Variants in RASGEF1C observed in about 807,000 individuals in gnomAD.
RASGEF1C encodes RasGEF domain family member 1C, also known as ras-GEF domain-containing family member 1C.
In RASGEF1C, 27 loss-of-function variants were observed where a neutral mutation model predicts 58.1. The observed-to-expected ratio is 0.46, with a 90% confidence interval of 0.34 to 0.64. The LOEUF (loss-of-function observed/expected upper bound fraction) is 0.64. Ranked by LOEUF, RASGEF1C falls within the 30% of genes least tolerant of loss-of-function variation. The probability of loss-of-function intolerance (pLI) is 0.01; values close to 1 mark genes in which losing one functional copy is unlikely to be tolerated. For missense variants in RASGEF1C, 502 were observed against 605.1 expected (o/e 0.83, Z 1.79); for synonymous variants, 243 against 246.3 (o/e 0.99, Z 0.13).
At chr5:180,186,101 GAAA>G (rs35778456) in intron 1 of RASGEF1C, among the ~76,000 whole-genome samples, 14 of 81,172 alleles carry the variant, frequency 1.7e-4, no homozygotes, top group African/African-American at 4.8e-4. Context: ...TATCTCCACA[GAAA>G]AAAAAAAAAA....
intron 4 of RASGEF1C, among the ~76,000 whole-genome samples, chr5:180,131,578 A>G (rs1240776975): frequency 1.3e-5 from 2 of 152,216 alleles, no homozygotes; most frequent in Non-Finnish European, 2.9e-5. Context: ...CACAAGCTCC[A>G]CACAGCCAAC....
At chr5:180,121,469 A>G (rs78439484) in intron 6 of RASGEF1C, among the ~76,000 whole-genome samples, 418 of 152,116 alleles carry the variant, frequency 2.7e-3, no homozygotes, top group African/African-American at 9.4e-3. Flanking sequence ...GCCCGCCACC[A>G]CGCCCAGAGA....
intron 1 of RASGEF1C, among the ~76,000 whole-genome samples, chr5:180,160,548 T>C (rs550220031): frequency 1.1e-4 from 17 of 152,262 alleles, no homozygotes; most frequent in Admixed American, 3.9e-4. Context: ...TCTATCCTAA[T>C]GCCCAGCATC....
At chr5:180,204,248 G>A (rs1756451649) in intron 1 of RASGEF1C, among the ~76,000 whole-genome samples, 1 of 152,196 alleles carries the variant, frequency 6.6e-6, no homozygotes. Context: ...GAGCATTTGT[G>A]TACAAGTCTT....
chr5:180,206,484 T>C (rs1756489237), intron 1 of RASGEF1C, among the ~76,000 whole-genome samples: 1 of 152,210 alleles, frequency 6.6e-6, no homozygotes, highest in Non-Finnish European at 1.5e-5. Context: ...GACACTGTGA[T>C]ACATCGGTGG....
chr5:180,193,353 C>T (rs901215121), intron 1 of RASGEF1C, among the ~76,000 whole-genome samples: 5 of 152,294 alleles, frequency 3.3e-5, no homozygotes, highest in Non-Finnish European at 2.9e-5. Flanking sequence ...CCGTGCCCGG[C>T]CTAAAATATC....
chr5:180,119,476 G>A (rs917980762), intron 7 of RASGEF1C, 28 bp from the exon 8 acceptor site: 19 of 1,567,480 alleles, frequency 1.2e-5, no homozygotes, highest in Middle Eastern at 1.7e-4. Context: ...GAGCCTCAGT[G>A]GTGACACGCC....
At chr5:180,110,841 A>T (rs977349052) in intron 12 of RASGEF1C, among the ~76,000 whole-genome samples, 1 of 151,762 alleles carries the variant, frequency 6.6e-6, no homozygotes, top group Admixed American at 6.6e-5. Flanking sequence ...TTTGAGACGA[A>T]GTCTTGCTCT....
intron 1 of RASGEF1C, among the ~76,000 whole-genome samples, chr5:180,159,132 T>A (rs10053109): frequency 0.011 from 1,482 of 132,546 alleles, 28 homozygotes; most frequent in African/African-American, 0.037. Flanking sequence ...AGTTTTTTTT[T>A]AATTTTTTAA....
In RASGEF1C at chr5:180,158,668, G is replaced by A. The variant is rs1766886169; in HGVS notation, c.-6-20610C>T. Among the ~76,000 whole-genome samples, 1 of 152,120 alleles carries A rather than the reference G, an allele frequency of 6.6e-6. No individual in the cohort carries two copies. Among genetic ancestry groups the A allele is most frequent in the African/African-American group, 2.4e-5 (1 of 41,424 alleles). On this transcript the variant is annotated intron_variant, in intron 1 of 13. Coordinates refer to ENST00000361132, the MANE Select transcript of RASGEF1C (RefSeq NM_175062.4). The surrounding 1 kb of genome is among the most constrained non-coding windows in gnomAD (Gnocchi z 4.0). ...CCCAAGAAAAACCCCTCAGTCCCAG[G>A]TAAACAAAGCCAGTTGGTCACCCTA...
At chr5:180,190,559 G>A (rs1189850003) in intron 1 of RASGEF1C, among the ~76,000 whole-genome samples, 3 of 128,882 alleles carry the variant, frequency 2.3e-5, no homozygotes, top group Non-Finnish European at 3.6e-5. Context: ...CATGCCTGTG[G>A]CCCCAACTAC....
At chr5:180,105,783 G>A (rs577049006) in intron 12 of RASGEF1C, among the ~76,000 whole-genome samples, 19 of 151,966 alleles carry the variant, frequency 1.3e-4, no homozygotes, top group South Asian at 8.3e-4. Context: ...GAGGAGAATC[G>A]CTTGAACCTG....
At chr5:180,205,078 A>G (rs1258094239) in intron 1 of RASGEF1C, among the ~76,000 whole-genome samples, 1 of 152,192 alleles carries the variant, frequency 6.6e-6, no homozygotes, top group Non-Finnish European at 1.5e-5. Context: ...AATCTTAGCT[A>G]CCTGGGAAGC....
At chr5:180,165,057 C>T (rs1366989320) in intron 1 of RASGEF1C, among the ~76,000 whole-genome samples, 1 of 152,110 alleles carries the variant, frequency 6.6e-6, no homozygotes, top group African/African-American at 2.4e-5. Flanking sequence ...TTAAACTATG[C>T]TTTGTCTGTT....
intron 1 of RASGEF1C, among the ~76,000 whole-genome samples, chr5:180,178,776 T>C (rs553695448): frequency 5.9e-5 from 9 of 152,206 alleles, no homozygotes; most frequent in African/African-American, 1.7e-4. Flanking sequence ...TTATTGGCCA[T>C]GAGACCCCGG....
At chr5:180,128,120 C>T (rs1258207405) in intron 5 of RASGEF1C, among the ~76,000 whole-genome samples, 2 of 152,234 alleles carry the variant, frequency 1.3e-5, no homozygotes, top group African/African-American at 4.8e-5. Flanking sequence ...CCTGCCTGGC[C>T]AGGTGATGGA....
At chr5:180,134,835 A>C (rs2113274344) in intron 4 of RASGEF1C, among the ~76,000 whole-genome samples, 1 of 1,248 alleles carries the variant, frequency 8.0e-4, no homozygotes, top group African/African-American at 1.7e-3. Context: ...CCTCCTTTCT[A>C]GCATTCACCC....
At position 180,190,712 on chromosome 5, in the gene RASGEF1C, C is replaced by A. The variant is rs191851440; in HGVS notation, c.-7+18316G>T. ...AAAATTTTAAAAATTACAGAAACAA[C>A]AGTAAAACCTACAACTATAAAGTTT... is the stretch of plus-strand genomic sequence containing the variant. On this transcript the variant is annotated intron_variant, in intron 1 of 13. Coordinates refer to ENST00000361132, the MANE Select transcript of RASGEF1C (RefSeq NM_175062.4). 5.7e-3 allele frequency among the ~76,000 whole-genome samples: 863 copies of A among 151,670 alleles called. 6 individuals carry two copies. Among genetic ancestry groups the A allele is most frequent in the African/African-American group, 0.019 (801 of 41,370 alleles).
chr5:180,113,274 G>A (rs1382780718), intron 11 of RASGEF1C, among the ~76,000 whole-genome samples: 2 of 86,404 alleles, frequency 2.3e-5, no homozygotes, highest in Non-Finnish European at 2.4e-5. Context: ...GACCGAGGAT[G>A]GACGGAGGGA....
Sources: gnomAD v4.1 joint callset for allele counts (sites outside exome capture counted in the v4.1 genomes callset) on GRCh38, gnomAD v4.1.1 for gene constraint, Gnocchi (gnomAD v3.1) non-coding constraint, MANE v1.5 for transcripts, NCBI Gene and HGNC (gene_info 2026-07-23, HGNC 2026-07-21) for gene names.